The following TUFT1 variants were observed in gnomAD, a reference collection of about 807,000 sequenced individuals.
TUFT1 encodes the protein tuftelin.
In TUFT1, 43 loss-of-function variants were observed where a neutral mutation model predicts 57.8. The ratio of observed to expected loss-of-function variants is 0.74; its 90% CI spans 0.58 to 0.96. The LOEUF (loss-of-function observed/expected upper bound fraction) is 0.96, where lower values mean the gene tolerates loss of function less well. Among genes scored for constraint, TUFT1 ranks in the 40% least tolerant of loss-of-function variants. The pLI is 0.00. For missense variants in TUFT1, 459 were observed against 489.0 expected (o/e 0.94, Z 0.58); for synonymous variants, 166 against 176.7 (o/e 0.94, Z 0.48).
At chr1:151,574,871 C>A in intron 8 of TUFT1, 40 bp from the exon 9 acceptor site, 1 of 1,514,232 alleles carries the variant, frequency 6.6e-7, no homozygotes, top group South Asian at 1.2e-5. Context: ...GAAACTGTTG[C>A]CATCTTCTCA....
intron 1 of TUFT1, among the ~76,000 whole-genome samples, chr1:151,548,327 G>A (rs537450686): frequency 1.5e-5 from 2 of 130,160 alleles, no homozygotes; most frequent in Non-Finnish European, 3.2e-5. Flanking sequence ...TTTTTGAGAC[G>A]GAGTCTTGCT....
chr1:151,541,978 CT>C (rs1665182378), intron 1 of TUFT1, among the ~76,000 whole-genome samples: 1 of 152,178 alleles, frequency 6.6e-6, no homozygotes, highest in Non-Finnish European at 1.5e-5. Flanking sequence ...TCCTGAGTAG[CT>C]GGGACTTCAG....
At chr1:151,570,849 G>A (rs1360979118) in intron 7 of TUFT1, among the ~76,000 whole-genome samples, 1 of 152,144 alleles carries the variant, frequency 6.6e-6, no homozygotes, top group Non-Finnish European at 1.5e-5. Context: ...TGGGACAACA[G>A]GTGCACACCA....
At chr1:151,562,746 G>T (rs984397660) in intron 3 of TUFT1, 60 bp downstream of exon 3, 4 of 1,429,566 alleles carry the variant, frequency 2.8e-6, no homozygotes, top group South Asian at 2.4e-5. Flanking sequence ...ACGTATATGA[G>T]AAGGAGCAGT....
intron 9 of TUFT1, among the ~76,000 whole-genome samples, chr1:151,577,053 C>T (rs79749643): frequency 0.024 from 3,672 of 152,282 alleles, 137 homozygotes; most frequent in African/African-American, 0.084. Flanking sequence ...GGATTATATT[C>T]ATGAGCCACT....
intron 1 of TUFT1, among the ~76,000 whole-genome samples, chr1:151,541,463 G>A (rs1665164320): frequency 6.6e-6 from 1 of 152,056 alleles, no homozygotes; most frequent in African/African-American, 2.4e-5. Context: ...CCAAGCTATT[G>A]TGGGTGGGAG....
At chr1:151,564,503 G>A in intron 4 of TUFT1, 22 bp from the exon 5 acceptor site, 2 of 1,602,886 alleles carry the variant, frequency 1.2e-6, no homozygotes, top group Non-Finnish European at 1.7e-6. Flanking sequence ...TAAAGCTCAA[G>A]TTTCTTCCCC....
At position 151,554,698 on chromosome 1, in the gene TUFT1, T is replaced by C. The variant is rs1331193256; in HGVS notation, c.61-7393T>C. 1.1e-3 allele frequency among the ~76,000 whole-genome samples: 135 copies of C among 119,230 alleles called. 16 individuals are homozygous for C. The highest frequency in any genetic ancestry group is 7.7e-3 in the East Asian group (31 of 4,034). 78.2% of individuals were successfully genotyped at this position (119,230 alleles called of 152,430 possible). ...GTGAACCACTGTGCCCGGCCCCCTT[T>C]TTTTTTTTTTTTTTTTTTTTTTTGA... On this transcript the variant is annotated intron_variant, in intron 1 of 12. Coordinates refer to ENST00000368849, the MANE Select transcript of TUFT1 (RefSeq NM_020127.3).
chr1:151,581,679 T>A lies in TUFT1; in HGVS notation c.1145T>A (p.Met382Lys). 1.9e-6 allele frequency: 3 copies of A among 1,614,162 alleles called. No individual in the cohort carries two copies. Among genetic ancestry groups the A allele is most frequent in the Non-Finnish European group, 2.5e-6 (3 of 1,180,034 alleles). Residue 382 changes from methionine (M) to lysine (K), a missense_variant, in exon 13 of 13, where the codon ATG (methionine) becomes AAG (lysine). By Grantham distance (95) the Met-to-Lys change is moderately conservative. Transcript: ENST00000368849. ...RISKPPSPKPMPVIRVVET is the reference protein window; with the variant it reads ...RISKPPSPKPKPVIRVVET ...TCCAAGCCGCCTAGCCCGAAGCCCA[T>A]GCCTGTCATCCGAGTGGTGGAAACC...
intron 1 of TUFT1, among the ~76,000 whole-genome samples, chr1:151,549,846 C>G (rs147335302): frequency 6.6e-6 from 1 of 152,152 alleles, no homozygotes; most frequent in Non-Finnish European, 1.5e-5. Flanking sequence ...CTCAGCTTCC[C>G]TAGTAGCTGG....
At chr1:151,569,015 A>G (rs1204737994) in intron 6 of TUFT1, among the ~76,000 whole-genome samples, 1 of 152,168 alleles carries the variant, frequency 6.6e-6, no homozygotes, top group Non-Finnish European at 1.5e-5. Flanking sequence ...GAGACCCTAC[A>G]TGTTAGCTCA....
At chr1:151,566,363 C>T in intron 6 of TUFT1, 135 bp downstream of exon 6, 1 of 698,350 alleles carries the variant, frequency 1.4e-6, no homozygotes, top group Middle Eastern at 2.6e-4. Context: ...CATAAAAATT[C>T]AAACACAGAG....
At position 151,545,500 on chromosome 1, in the gene TUFT1, T is replaced by C. The variant is rs115607870; in HGVS notation, c.60+5074T>C. ...AGGTAGTTGTGAGGATTAAATTAGA[T>C]AATACACATAAAATATGAAGCACAG... On this transcript the variant is annotated intron_variant, in intron 1 of 12. Transcript: ENST00000368849. Among the ~76,000 whole-genome samples, 763 of 152,324 alleles carry C rather than the reference T, an allele frequency of 5.0e-3. 6 individuals carry two copies. Among genetic ancestry groups the C allele is most frequent in the Non-Finnish European group, 6.1e-3 (413 of 68,032 alleles).
chr1:151,541,986 TC>T (rs1213924933), intron 1 of TUFT1, among the ~76,000 whole-genome samples: 1 of 152,142 alleles, frequency 6.6e-6, no homozygotes, highest in Non-Finnish European at 1.5e-5. Flanking sequence ...AGCTGGGACT[TC>T]AGATGCACAC....
chr1:151,561,107 C>T (rs1208317144), intron 1 of TUFT1, among the ~76,000 whole-genome samples: 2 of 151,892 alleles, frequency 1.3e-5, no homozygotes, highest in African/African-American at 4.8e-5. Flanking sequence ...CATTCTGCTG[C>T]CTCAGCCTCC....
intron 1 of TUFT1, among the ~76,000 whole-genome samples, chr1:151,549,327 A>C (rs1224489741): frequency 6.6e-6 from 1 of 152,204 alleles, no homozygotes; most frequent in Non-Finnish European, 1.5e-5. Flanking sequence ...GAGGAGCCCC[A>C]GGATTTGCTC....
intron 1 of TUFT1, among the ~76,000 whole-genome samples, chr1:151,554,280 G>A (rs866262251): frequency 6.6e-6 from 1 of 152,154 alleles, no homozygotes. Context: ...TTCAGTCCAG[G>A]ATCCCATGTT....
intron 7 of TUFT1, 114 bp from the exon 8 acceptor site, chr1:151,574,156 T>G: frequency 7.4e-7 from 1 of 1,358,586 alleles, no homozygotes; most frequent in Non-Finnish European, 1.0e-6. Context: ...TGTCACCACC[T>G]TTCTCCCGTC....
At position 151,554,447 on chromosome 1, in the gene TUFT1, C is replaced by T. The variant is rs368447557; in HGVS notation, c.61-7644C>T. Among the ~76,000 whole-genome samples, 26 of 151,990 alleles carry T rather than the reference C, an allele frequency of 1.7e-4. No homozygotes were observed. In the South Asian group the frequency reaches 2.1e-3, roughly 12 times the overall value. On this transcript the variant is annotated intron_variant, in intron 1 of 12. Transcript: ENST00000368849. ...CAGAGTCTTGCTCTGTTGCCCAGGTCGGAGTGCAGTGGCACGATCTTGGCT... is the reference window on the plus strand; with the variant it reads ...CAGAGTCTTGCTCTGTTGCCCAGGTTGGAGTGCAGTGGCACGATCTTGGCT...
Sources: gnomAD v4.1 joint callset for allele counts (sites outside exome capture counted in the v4.1 genomes callset) on GRCh38, gnomAD v4.1.1 for gene constraint, MANE v1.5 for transcripts, NCBI Gene and HGNC (gene_info 2026-07-23, HGNC 2026-07-21) for gene names.